The following ADGRL3 variants were observed in gnomAD, a reference collection of about 807,000 sequenced individuals.
The protein encoded by ADGRL3 is calcium-independent alpha-latrotoxin receptor 3.
Under a neutral mutation model 153.5 loss-of-function variants are expected in ADGRL3, and 62 were observed. The ratio of observed to expected loss-of-function variants is 0.40; its 90% CI spans 0.33 to 0.50. The LOEUF is 0.50. ADGRL3 is among the 20% of genes least tolerant of loss of function. The pLI, the probability that ADGRL3 is intolerant of heterozygous loss-of-function variation, is 0.47. For missense variants in ADGRL3, 1,641 were observed against 1,859.4 expected, an observed-to-expected ratio of 0.88 and a Z score of 2.16; for synonymous variants, 710 against 672.5, an observed-to-expected ratio of 1.06 and a Z score of -0.86.
rs546269259 is a variant in ADGRL3, at chr4:61,953,894, C to G, written c.2805+5618C>G. Among the ~76,000 whole-genome samples, 3 of 152,298 alleles carry G rather than the reference C, an allele frequency of 2.0e-5. No homozygotes were observed. In the East Asian group the frequency reaches 5.8e-4, roughly 29 times the overall value. ...CCTTGGGTACACTACTCCTTAGTTT[C>G]TTTCCTTTCTCAGCAACTTGTCCTT... On this transcript the variant is annotated intron_variant, in intron 17 of 26. Transcript: ENST00000683033.
chr4:61,409,369 A>ATG (rs1459839424), intron 2 of ADGRL3, among the ~76,000 whole-genome samples: 1 of 22,526 alleles, frequency 4.4e-5, no homozygotes, highest in Non-Finnish European at 3.3e-4. Flanking sequence ...TATTATATAT[A>ATG]TAAGACATAT....
intron 1 of ADGRL3, among the ~76,000 whole-genome samples, chr4:61,324,363 A>G (rs1183219329): frequency 3.9e-5 from 6 of 152,154 alleles, no homozygotes; most frequent in Non-Finnish European, 5.9e-5. Context: ...TAAATAATGC[A>G]TTACCAAAAA....
At chr4:61,860,963 C>G (rs114778455) in intron 9 of ADGRL3, among the ~76,000 whole-genome samples, 1 of 152,092 alleles carries the variant, frequency 6.6e-6, no homozygotes, top group Non-Finnish European at 1.5e-5. Flanking sequence ...AGCCACACTG[C>G]CAAATATTAC....
At chr4:61,656,817 T>C (rs1248924974) in intron 5 of ADGRL3, among the ~76,000 whole-genome samples, 3 of 152,190 alleles carry the variant, frequency 2.0e-5, no homozygotes, top group African/African-American at 7.2e-5. Flanking sequence ...AGTTGACTAA[T>C]TGTTCATGTC....
intron 13 of ADGRL3, among the ~76,000 whole-genome samples, chr4:61,926,598 A>G (rs919536284): frequency 1.3e-5 from 2 of 152,138 alleles, no homozygotes; most frequent in African/African-American, 2.4e-5. Flanking sequence ...CTGAGTCTCA[A>G]TATTCTCACT....
intron 1 of ADGRL3, among the ~76,000 whole-genome samples, chr4:61,368,612 T>G (rs1350429026): frequency 3.3e-5 from 5 of 152,050 alleles, no homozygotes; most frequent in Non-Finnish European, 7.4e-5. Flanking sequence ...ACCAGTACCA[T>G]GCTGTTTTGG....
chr4:61,492,079 A>C (rs2098264937), intron 2 of ADGRL3, among the ~76,000 whole-genome samples: 1 of 152,168 alleles, frequency 6.6e-6, no homozygotes. Context: ...CCTGTATTAC[A>C]ATTAGCAATT....
At chr4:61,779,953 A>T (rs2152373606) in intron 8 of ADGRL3, among the ~76,000 whole-genome samples, 1 of 152,242 alleles carries the variant, frequency 6.6e-6, no homozygotes, top group South Asian at 2.1e-4. Flanking sequence ...AGATGTGTTG[A>T]TTCAGTATTT....
chr4:61,750,841 T>TA (rs2096748352), intron 8 of ADGRL3, among the ~76,000 whole-genome samples: 1 of 141,504 alleles, frequency 7.1e-6, no homozygotes, highest in Non-Finnish European at 1.5e-5. Context: ...AAGGAGCAAA[T>TA]AAATGCAAGG....
intron 3 of ADGRL3, among the ~76,000 whole-genome samples, chr4:61,500,454 A>G (rs2098375206): frequency 6.6e-6 from 1 of 152,194 alleles, no homozygotes; most frequent in South Asian, 2.1e-4. Context: ...GTGCTGAAAT[A>G]TAATAGGATA....
chr4:61,672,877 C>T (rs1382831067), intron 5 of ADGRL3, among the ~76,000 whole-genome samples: 2 of 151,956 alleles, frequency 1.3e-5, no homozygotes, highest in Non-Finnish European at 2.9e-5. Context: ...TGTAGTCTCA[C>T]GTTCCTTGCA....
At chr4:61,920,041 C>T (rs986188177) in intron 13 of ADGRL3, among the ~76,000 whole-genome samples, 4 of 152,122 alleles carry the variant, frequency 2.6e-5, no homozygotes, top group African/African-American at 4.8e-5. Flanking sequence ...GTATTCTCTT[C>T]TCTTATTTAA....
At chr4:61,759,533 A>C (rs542586538) in intron 8 of ADGRL3, among the ~76,000 whole-genome samples, 1 of 151,984 alleles carries the variant, frequency 6.6e-6, no homozygotes, top group Admixed American at 6.5e-5. Context: ...AGGTCCTTTA[A>C]GGAGTTCTCT....
intron 2 of ADGRL3, among the ~76,000 whole-genome samples, chr4:61,482,967 C>T (rs1379862323): frequency 6.6e-6 from 1 of 152,136 alleles, no homozygotes; most frequent in Non-Finnish European, 1.5e-5. Context: ...ATAATACTAT[C>T]TGACTCAAAT....
rs1415415896 is a variant in ADGRL3, at chr4:61,653,166, TCTCTCACACA to T, written c.474-23658_474-23649del. Among the ~76,000 whole-genome samples, 512 of 135,034 alleles carry T rather than the reference TCTCTCACACA, an allele frequency of 3.8e-3. 2 individuals are homozygous for T. The highest frequency in any genetic ancestry group is 0.012 in the African/African-American group (420 of 34,672). The allele number at this position is 135,034 out of a possible 152,430, so 88.6% of individuals were successfully genotyped here. ...CTCTCTCTCTGTCTCTCTCTCTCTC[TCTCTCACACA>T]CACACACACACACACACACACACAC... is the stretch of plus-strand genomic sequence containing the variant. On this transcript the variant is annotated intron_variant, in intron 5 of 26. Coordinates refer to ENST00000683033, the MANE Select transcript of ADGRL3 (RefSeq NM_001387552.1).
At chr4:61,974,214 C>T (rs748646813) in intron 17 of ADGRL3, among the ~76,000 whole-genome samples, 1 of 152,154 alleles carries the variant, frequency 6.6e-6, no homozygotes, top group Non-Finnish European at 1.5e-5. Context: ...AGCAGTCCAC[C>T]TGCCTCGGCC....
chr4:61,542,645 A>T (rs981329350), intron 4 of ADGRL3, among the ~76,000 whole-genome samples: 1 of 152,030 alleles, frequency 6.6e-6, no homozygotes, highest in Admixed American at 6.6e-5. Flanking sequence ...TGTTTATAGC[A>T]GTTGCTTATG....
intron 1 of ADGRL3, among the ~76,000 whole-genome samples, chr4:61,289,470 T>C (rs1169458417): frequency 6.6e-6 from 1 of 152,028 alleles, no homozygotes; most frequent in Non-Finnish European, 1.5e-5. Flanking sequence ...GCGTAGTAGA[T>C]TATAGGAATA....
chr4:61,220,752 A>G (rs1040740392), intron 1 of ADGRL3, among the ~76,000 whole-genome samples: 2 of 152,148 alleles, frequency 1.3e-5, no homozygotes, highest in African/African-American at 2.4e-5. Context: ...CTTCATGTAT[A>G]TCAAACTATC....
Sources: gnomAD v4.1 joint callset for allele counts (sites outside exome capture counted in the v4.1 genomes callset) on GRCh38, gnomAD v4.1.1 for gene constraint, MANE v1.5 for transcripts, NCBI Gene and HGNC (gene_info 2026-07-23, HGNC 2026-07-21) for gene names.